Variants in CCDC85A observed in about 807,000 individuals in gnomAD.
CCDC85A encodes coiled-coil domain containing 85A, also known as coiled-coil domain-containing protein 85A.
Under a neutral mutation model 50.2 loss-of-function variants are expected in CCDC85A, and 38 were observed. That is an observed-to-expected ratio of 0.76 (90% CI 0.58 to 0.99). The LOEUF (loss-of-function observed/expected upper bound fraction) is 0.99, where lower values mean the gene tolerates loss of function less well. Among genes scored for constraint, CCDC85A ranks in the 50% least tolerant of loss-of-function variants. The probability of loss-of-function intolerance (pLI) is 0.00; values close to 1 mark genes in which losing one functional copy is unlikely to be tolerated. For missense variants in CCDC85A, 820 were observed against 742.0 expected, an observed-to-expected ratio of 1.11 and a Z score of -1.22; for synonymous variants, 366 against 301.4, an observed-to-expected ratio of 1.21 and a Z score of -2.22.
At chr2:56,350,398 C>T (rs1214758168) in intron 3 of CCDC85A, among the ~76,000 whole-genome samples, 3 of 152,084 alleles carry the variant, frequency 2.0e-5, no homozygotes, top group Non-Finnish European at 2.9e-5. Context: ...TGGTGAAACC[C>T]CATCTCTACT....
chr2:56,364,174 T>C (rs1393024151), intron 3 of CCDC85A, among the ~76,000 whole-genome samples: 2 of 152,196 alleles, frequency 1.3e-5, no homozygotes, highest in Non-Finnish European at 2.9e-5. Context: ...TTCAATGTTA[T>C]TCTTTATCTG....
chr2:56,241,981 G>T (rs558479450), intron 2 of CCDC85A, among the ~76,000 whole-genome samples: 1 of 151,996 alleles, frequency 6.6e-6, no homozygotes. Flanking sequence ...CCACATACTT[G>T]CCAGCCTTTG....
chr2:56,313,718 G>A (rs1672795204), intron 2 of CCDC85A, among the ~76,000 whole-genome samples: 1 of 152,012 alleles, frequency 6.6e-6, no homozygotes. Context: ...GATACTTGCT[G>A]TGGCAGAAGG....
At chr2:56,375,231 C>T (rs1362268800) in intron 4 of CCDC85A, among the ~76,000 whole-genome samples, 1 of 152,164 alleles carries the variant, frequency 6.6e-6, no homozygotes, top group Admixed American at 6.5e-5. Context: ...TGAAGAACCA[C>T]TAAACTAAAA....
At chr2:56,363,246 C>T (rs192101372) in intron 3 of CCDC85A, among the ~76,000 whole-genome samples, 95 of 152,234 alleles carry the variant, frequency 6.2e-4, no homozygotes, top group Middle Eastern at 3.4e-3. Context: ...ATGATGGTCT[C>T]GCTGATGGTG....
In CCDC85A at chr2:56,184,572, C is replaced by A. The variant is rs1349050630; in HGVS notation, c.-53C>A. 4 of 1,364,128 alleles carry A rather than the reference C, an allele frequency of 2.9e-6. No individual in the cohort carries two copies. The highest frequency in any genetic ancestry group is 3.7e-6 in the Non-Finnish European group (4 of 1,068,232). The allele number at this position is 1,364,128 out of a possible 1,614,324, so 84.5% of individuals were successfully genotyped here. On this transcript the variant is annotated 5_prime_UTR_variant, in exon 1 of 6. Transcript: ENST00000407595. ...GGCGGCCTCGCCGCGCCCGCGCCTT[C>A]GGGAGTCGCCTCGCCTCTTCCACCC...
intron 3 of CCDC85A, among the ~76,000 whole-genome samples, chr2:56,361,969 T>G (rs1390002765): frequency 1.3e-5 from 2 of 151,780 alleles, no homozygotes; most frequent in Non-Finnish European, 2.9e-5. Context: ...TTGAACTAAG[T>G]GGTAGGGTGG....
intron 2 of CCDC85A, among the ~76,000 whole-genome samples, chr2:56,332,602 G>A (rs1306070836): frequency 6.6e-6 from 1 of 151,834 alleles, no homozygotes; most frequent in East Asian, 1.9e-4. Context: ...TCCCCAACAG[G>A]TGCTCTTTCT....
chr2:56,307,968 A>G (rs1672518341), intron 2 of CCDC85A, among the ~76,000 whole-genome samples: 1 of 152,208 alleles, frequency 6.6e-6, no homozygotes, highest in African/African-American at 2.4e-5. Flanking sequence ...TTCAACAGTA[A>G]ACACTTAAGT....
intron 2 of CCDC85A, among the ~76,000 whole-genome samples, chr2:56,221,663 T>G (rs1223319432): frequency 6.6e-6 from 1 of 152,140 alleles, no homozygotes; most frequent in Non-Finnish European, 1.5e-5. Flanking sequence ...GTAATTCATT[T>G]CATGATAATT....
Position 56,385,058 on chromosome 2 carries a change from T to C in CCDC85A, c.*703T>C, listed in dbSNP as rs992675931. On this transcript the variant is annotated 3_prime_UTR_variant, in exon 6 of 6. Transcript: ENST00000407595. ...TTGATCAATATAAATATATCTTTTT[T>C]TTTCATCTTAATGAGTTTCTCATAA... 1 of 152,190 alleles carries C rather than the reference T, an allele frequency of 6.6e-6. No homozygotes were observed. Among genetic ancestry groups the C allele is most frequent in the Non-Finnish European group, 1.5e-5 (1 of 67,812 alleles). The allele number at this position is 152,190 out of a possible 1,614,324, so 9.4% of individuals were successfully genotyped here.
At chr2:56,294,372 C>T (rs1481543944) in intron 2 of CCDC85A, among the ~76,000 whole-genome samples, 1 of 152,162 alleles carries the variant, frequency 6.6e-6, no homozygotes, top group Non-Finnish European at 1.5e-5. Context: ...ATAGATGTGG[C>T]AAACCACCAT....
intron 2 of CCDC85A, among the ~76,000 whole-genome samples, chr2:56,302,086 T>C (rs1316539211): frequency 1.3e-5 from 2 of 151,928 alleles, no homozygotes; most frequent in Admixed American, 1.3e-4. Flanking sequence ...TGAAATCCCA[T>C]CTCTACTAAA....
intron 2 of CCDC85A, among the ~76,000 whole-genome samples, chr2:56,267,981 C>G (rs1001272017): frequency 6.6e-6 from 1 of 152,154 alleles, no homozygotes; most frequent in East Asian, 1.9e-4. Flanking sequence ...ATCTCATAGA[C>G]TTTCTATGTT....
intron 2 of CCDC85A, among the ~76,000 whole-genome samples, chr2:56,342,196 C>CTTCTTT (rs113818898): frequency 1.1e-3 from 164 of 148,030 alleles, no homozygotes; most frequent in African/African-American, 3.5e-3. Context: ...TTCTCTAATA[C>CTTCTTT]TTTTTTTTTT....
At chr2:56,300,694 G>A (rs1179181235) in intron 2 of CCDC85A, among the ~76,000 whole-genome samples, 1 of 152,168 alleles carries the variant, frequency 6.6e-6, no homozygotes, top group African/African-American at 2.4e-5. Context: ...TTCTCCAGAG[G>A]ATTTAAGGAA....
intron 2 of CCDC85A, among the ~76,000 whole-genome samples, chr2:56,325,598 G>T (rs1336729029): frequency 1.3e-5 from 2 of 152,106 alleles, no homozygotes; most frequent in Admixed American, 1.3e-4. Flanking sequence ...GGATTCCTCA[G>T]TTTTCCAGAA....
intron 2 of CCDC85A, among the ~76,000 whole-genome samples, chr2:56,244,203 G>T (rs994918831): frequency 5.3e-5 from 8 of 152,122 alleles, no homozygotes; most frequent in African/African-American, 1.9e-4. Flanking sequence ...ATGTCTGGGA[G>T]TCAGGGCCTG....
At chr2:56,241,549 A>C (rs1327268742) in intron 2 of CCDC85A, among the ~76,000 whole-genome samples, 1 of 150,920 alleles carries the variant, frequency 6.6e-6, no homozygotes, top group African/African-American at 2.4e-5. Context: ...AATTGTTTTG[A>C]TTTTTAGCTC....
Sources: gnomAD v4.1 joint callset for allele counts (sites outside exome capture counted in the v4.1 genomes callset) on GRCh38, gnomAD v4.1.1 for gene constraint, MANE v1.5 for transcripts, NCBI Gene and HGNC (gene_info 2026-07-23, HGNC 2026-07-21) for gene names.